CTNNA2: variants seen among roughly 807,000 people sequenced by gnomAD.
CTNNA2 encodes the protein catenin alpha 2, also known as catenin alpha-2.
CTNNA2 carries 42 observed loss-of-function variants against 101.0 expected under a neutral mutation model. The ratio of observed to expected loss-of-function variants is 0.42; its 90% CI spans 0.32 to 0.54. The LOEUF (loss-of-function observed/expected upper bound fraction) is 0.54, where lower values mean the gene tolerates loss of function less well. Among genes scored for constraint, CTNNA2 ranks in the 20% least tolerant of loss-of-function variants. The pLI is 0.14. For synonymous variants in CTNNA2, 450 were observed against 456.4 expected (o/e 0.99, Z 0.18); for missense variants, 871 against 1,223.1 (o/e 0.71, Z 4.29).
At chr2:80,383,089 A>G (rs377312687) in intron 7 of CTNNA2, among the ~76,000 whole-genome samples, 25 of 152,298 alleles carry the variant, frequency 1.6e-4, no homozygotes, top group African/African-American at 4.6e-4. Context: ...AGCTTTTAGC[A>G]ATCACCCAAG....
intron 3 of CTNNA2, among the ~76,000 whole-genome samples, chr2:79,338,988 G>C (rs1054185167): frequency 1.2e-4 from 18 of 152,064 alleles, no homozygotes; most frequent in African/African-American, 4.1e-4. Flanking sequence ...GGGTGCTAGT[G>C]AGATTCCCAA....
intron 1 of CTNNA2, among the ~76,000 whole-genome samples, chr2:79,187,940 T>C (rs1442027446): frequency 6.6e-6 from 1 of 152,052 alleles, no homozygotes; most frequent in Non-Finnish European, 1.5e-5. Flanking sequence ...ATATGAAAAC[T>C]TAGTGTTCTT....
chr2:79,642,336 T>A (rs1680504593), intron 1 of CTNNA2, among the ~76,000 whole-genome samples: 1 of 152,210 alleles, frequency 6.6e-6, no homozygotes, highest in African/African-American at 2.4e-5. Context: ...CACCCCACCC[T>A]GCCTTCACTG....
Position 80,303,498 on chromosome 2 carries a change from C to T in CTNNA2, c.1057-89713C>T, listed in dbSNP as rs558646111. On this transcript the variant is annotated intron_variant, in intron 7 of 18. Coordinates refer to ENST00000402739, the MANE Select transcript of CTNNA2 (RefSeq NM_001282597.3). This position sits in a 1 kb window ranked among gnomAD's most constrained non-coding sequence, Gnocchi z 7.7. ...TTAACTCGGCGCAGTTTCTGAAAGG[C>T]GTCCCCCTGCACGGAGCAGATGTGA... 1.2e-5 allele frequency: 19 copies of T among 1,614,248 alleles called. No homozygotes were observed. The highest frequency in any genetic ancestry group is 8.9e-5 in the East Asian group (4 of 44,874).
chr2:79,938,485 G>A (rs1687937129), intron 7 of CTNNA2, among the ~76,000 whole-genome samples: 1 of 152,184 alleles, frequency 6.6e-6, no homozygotes, highest in Admixed American at 6.5e-5. Context: ...ATGTGTGTTG[G>A]AGGGATTTGT....
At chr2:80,398,568 T>A (rs1334229377) in intron 8 of CTNNA2, among the ~76,000 whole-genome samples, 1 of 151,740 alleles carries the variant, frequency 6.6e-6, no homozygotes, top group Non-Finnish European at 1.5e-5. Context: ...AGAAATGGGA[T>A]CAGAGGCTGG....
At chr2:80,102,069 T>A (rs1364028928) in intron 7 of CTNNA2, among the ~76,000 whole-genome samples, 1 of 152,174 alleles carries the variant, frequency 6.6e-6, no homozygotes, top group African/African-American at 2.4e-5. Context: ...ACAGGCACCA[T>A]GTGTGTGTGG....
At chr2:79,232,510 G>C (rs79941512) in intron 2 of CTNNA2, among the ~76,000 whole-genome samples, 12,560 of 152,004 alleles carry the variant, frequency 0.083, 698 homozygotes, top group East Asian at 0.18. Context: ...TTTTTTCATT[G>C]TGTCTCTGCC....
intron 9 of CTNNA2, among the ~76,000 whole-genome samples, chr2:80,456,399 T>A (rs1228357142): frequency 6.6e-6 from 1 of 152,194 alleles, no homozygotes; most frequent in Non-Finnish European, 1.5e-5. Flanking sequence ...CCAGCAATAC[T>A]GCAACTGATG....
At chr2:79,372,440 G>A (rs1677893485) in intron 3 of CTNNA2, among the ~76,000 whole-genome samples, 2 of 152,268 alleles carry the variant, frequency 1.3e-5, no homozygotes, top group South Asian at 4.1e-4. Context: ...AGGTAATCAT[G>A]TGCTCTGTGT....
intron 2 of CTNNA2, among the ~76,000 whole-genome samples, chr2:79,276,859 C>T (rs1273497403): frequency 3.9e-5 from 6 of 152,046 alleles, no homozygotes; most frequent in Non-Finnish European, 7.4e-5. Context: ...AAAGGTTTTC[C>T]ATTTCTACTT....
chr2:80,389,384 C>T (rs758242690), intron 7 of CTNNA2, among the ~76,000 whole-genome samples: 26 of 152,026 alleles, frequency 1.7e-4, no homozygotes, highest in Non-Finnish European at 3.5e-4. Context: ...TAATAGGGAG[C>T]TGATACTAGG....
At chr2:79,476,442 T>G (rs905358700) in intron 4 of CTNNA2, among the ~76,000 whole-genome samples, 9 of 152,192 alleles carry the variant, frequency 5.9e-5, no homozygotes, top group African/African-American at 2.2e-4. Context: ...AACCTATATT[T>G]GTATTAAAGC....
At position 79,844,979 on chromosome 2, in the gene CTNNA2, TAC is replaced by T. The variant is rs59885288; in HGVS notation, c.299-13012_299-13011del. ...GGAGGGATAAAGAATGAAAACAAAC[TAC>T]ACACACACACACACACACACATATA... On this transcript the variant is annotated intron_variant, in intron 3 of 18. Coordinates refer to ENST00000402739, the MANE Select transcript of CTNNA2 (RefSeq NM_001282597.3). 5.8e-3 allele frequency among the ~76,000 whole-genome samples: 815 copies of T among 140,292 alleles called. 7 individuals carry two copies. Among genetic ancestry groups the T allele is most frequent in the African/African-American group, 0.019 (710 of 37,622 alleles). 92.0% of individuals were successfully genotyped at this position (140,292 alleles called of 152,430 possible). A position where few individuals can be genotyped will look rare whatever the true frequency, so the allele number is the denominator to read the frequency against.
At chr2:79,663,011 C>T (rs1682146512) in intron 2 of CTNNA2, among the ~76,000 whole-genome samples, 1 of 152,168 alleles carries the variant, frequency 6.6e-6, no homozygotes, top group Non-Finnish European at 1.5e-5. Context: ...CATTTTCTCC[C>T]CAGGTGATTC....
chr2:79,573,740 ATAAT>A (rs1675613280), intron 1 of CTNNA2: 3 of 152,334 alleles, frequency 2.0e-5, no homozygotes, highest in Non-Finnish European at 1.5e-5. Flanking sequence ...ATTATCTTAA[ATAAT>A]AGTATCTTCA....
intron 5 of CTNNA2, among the ~76,000 whole-genome samples, chr2:79,505,792 T>G (rs1671399461): frequency 6.6e-6 from 1 of 152,228 alleles, no homozygotes; most frequent in Non-Finnish European, 1.5e-5. Flanking sequence ...TGCACTCTCA[T>G]TACATTATAT....
At position 80,259,909 on chromosome 2, in the gene CTNNA2, G is replaced by A. The variant is rs77602656; in HGVS notation, c.1057-133302G>A. ...GAGATTGTGGCTGCGCAAAGGGTTT[G>A]AAAATTAAAAGGTGTGTTTTATAAT... On this transcript the variant is annotated intron_variant, in intron 7 of 18. Transcript: ENST00000402739. 5.3e-3 allele frequency among the ~76,000 whole-genome samples: 808 copies of A among 152,292 alleles called. 7 individuals carry two copies. Among genetic ancestry groups the A allele is most frequent in the African/African-American group, 0.019 (783 of 41,566 alleles).
intron 7 of CTNNA2, among the ~76,000 whole-genome samples, chr2:79,931,458 G>C (rs2974144): frequency 0.33 from 49,811 of 151,894 alleles, 8,364 homozygotes; most frequent in Middle Eastern, 0.4. Context: ...TGAGGTCATG[G>C]AGGAGAATGC....
Sources: allele counts gnomAD v4.1 joint callset (sites outside exome capture counted in the v4.1 genomes callset), GRCh38; gene constraint gnomAD v4.1.1; non-coding constraint Gnocchi (gnomAD v3.1); transcripts MANE v1.5; gene names NCBI Gene and HGNC (gene_info 2026-07-23, HGNC 2026-07-21).